Variants in TNFSF4 observed in about 807,000 individuals in gnomAD.
TNFSF4 encodes TNF superfamily member 4.
Under a neutral mutation model 7.3 loss-of-function variants are expected in TNFSF4, and 4 were observed. That is an observed-to-expected ratio of 0.55 (90% CI 0.27 to 1.25). The LOEUF is 1.25. Ranked by LOEUF, TNFSF4 falls within the 50% of genes most tolerant of loss-of-function variation. The probability of loss-of-function intolerance (pLI) is 0.12; values close to 1 mark genes in which losing one functional copy is unlikely to be tolerated. For synonymous variants in TNFSF4, 76 were observed against 83.7 expected, an observed-to-expected ratio of 0.91 and a Z score of 0.50; for missense variants, 181 against 208.8, an observed-to-expected ratio of 0.87 and a Z score of 0.82.
the TNFSF4 span, among the ~76,000 whole-genome samples, chr1:173,233,379 A>G: frequency 6.6e-6 from 1 of 152,216 alleles, no homozygotes; most frequent in African/African-American, 2.4e-5. Flanking sequence ...TGACTGGGAG[A>G]ATGGAACCAA....
the TNFSF4 span, among the ~76,000 whole-genome samples, chr1:173,304,995 C>T: frequency 6.6e-6 from 1 of 151,914 alleles, no homozygotes; most frequent in Non-Finnish European, 1.5e-5. Flanking sequence ...CAGATTGATG[C>T]ACTTAAGAGC....
the TNFSF4 span, among the ~76,000 whole-genome samples, chr1:173,227,168 C>T: frequency 6.0e-5 from 9 of 150,186 alleles, no homozygotes; most frequent in African/African-American, 2.2e-4. Context: ...AATATTTTTA[C>T]CCTTCTCTCA....
chr1:173,419,905 CGGGG>C, the TNFSF4 span, among the ~76,000 whole-genome samples: 1 of 150,352 alleles, frequency 6.7e-6, no homozygotes, highest in African/African-American at 2.4e-5. Flanking sequence ...GTTTGTGTGG[CGGGG>C]GGGGGGATGA....
the TNFSF4 span, among the ~76,000 whole-genome samples, chr1:173,257,143 C>G: frequency 5.9e-5 from 9 of 152,234 alleles, no homozygotes; most frequent in Non-Finnish European, 1.3e-4. Flanking sequence ...GAAAGAAACT[C>G]TTTCGTATCT....
At chr1:173,294,151 C>T in the TNFSF4 span, among the ~76,000 whole-genome samples, 1 of 152,020 alleles carries the variant, frequency 6.6e-6, no homozygotes, top group African/African-American at 2.4e-5. Flanking sequence ...GATACATGCA[C>T]TCGTATGTTC....
At chr1:173,360,876 A>G in the TNFSF4 span, among the ~76,000 whole-genome samples, 62 of 152,234 alleles carry the variant, frequency 4.1e-4, no homozygotes, top group Non-Finnish European at 8.1e-4. Flanking sequence ...ACATGCCTAC[A>G]CTATGCATTG....
chr1:173,203,975 A>G (rs1650059519), intron 1 of TNFSF4, among the ~76,000 whole-genome samples: 1 of 152,198 alleles, frequency 6.6e-6, no homozygotes, highest in South Asian at 2.1e-4. Flanking sequence ...ACTGAATTAT[A>G]TACCTTATGT....
At chr1:173,330,339 T>C in the TNFSF4 span, among the ~76,000 whole-genome samples, 2 of 150,920 alleles carry the variant, frequency 1.3e-5, no homozygotes, top group African/African-American at 4.8e-5. Context: ...TTATATATTG[T>C]TATATATGTT....
At chr1:173,296,778 T>C in the TNFSF4 span, among the ~76,000 whole-genome samples, 3 of 151,966 alleles carry the variant, frequency 2.0e-5, no homozygotes, top group African/African-American at 4.8e-5. Flanking sequence ...TCGCCAATCA[T>C]GCTTCCCCTA....
chr1:173,312,105 A>T, the TNFSF4 span, among the ~76,000 whole-genome samples: 1 of 152,046 alleles, frequency 6.6e-6, no homozygotes, highest in African/African-American at 2.4e-5. Flanking sequence ...ATCCATGATG[A>T]TTTTCTTAAG....
chr1:173,344,717 A>G, the TNFSF4 span, among the ~76,000 whole-genome samples: 1 of 152,210 alleles, frequency 6.6e-6, no homozygotes, highest in Non-Finnish European at 1.5e-5. Flanking sequence ...AACACCTCCA[A>G]CTTTAATATC....
the TNFSF4 span, among the ~76,000 whole-genome samples, chr1:173,213,381 T>C: frequency 1.3e-5 from 2 of 152,182 alleles, no homozygotes; most frequent in South Asian, 4.1e-4. Flanking sequence ...AAACAGCTAC[T>C]GAAATTTTTC....
the TNFSF4 span, among the ~76,000 whole-genome samples, chr1:173,403,479 T>C: frequency 6.6e-6 from 1 of 152,248 alleles, no homozygotes; most frequent in Admixed American, 6.5e-5. Context: ...CCATGCTTTA[T>C]GTAAGTGCAG....
the TNFSF4 span, among the ~76,000 whole-genome samples, chr1:173,240,597 T>C: frequency 6.6e-6 from 1 of 152,196 alleles, no homozygotes; most frequent in Non-Finnish European, 1.5e-5. Context: ...TGGCAATCAG[T>C]GGTCATCTAG....
chr1:173,334,801 T>G, the TNFSF4 span, among the ~76,000 whole-genome samples: 62,592 of 151,796 alleles, frequency 0.41, 13,296 homozygotes, highest in Middle Eastern at 0.52. Flanking sequence ...CTGCTGCCTT[T>G]CAAGAAATGC....
the TNFSF4 span, among the ~76,000 whole-genome samples, chr1:173,325,325 A>T: frequency 6.6e-6 from 1 of 152,116 alleles, no homozygotes; most frequent in African/African-American, 2.4e-5. Flanking sequence ...ACGAGAACAA[A>T]GACACAACAT....
At chr1:173,280,887 T>C in the TNFSF4 span, among the ~76,000 whole-genome samples, 1 of 152,152 alleles carries the variant, frequency 6.6e-6, no homozygotes, top group African/African-American at 2.4e-5. Context: ...TCATTGTACA[T>C]GGATTTTATT....
the TNFSF4 span, among the ~76,000 whole-genome samples, chr1:173,229,708 C>T: frequency 2.0e-5 from 3 of 152,060 alleles, no homozygotes; most frequent in Non-Finnish European, 2.9e-5. Flanking sequence ...CAGAGACACA[C>T]ATAGGTTCAA....
chr1:173,268,477 A>G, the TNFSF4 span, among the ~76,000 whole-genome samples: 1 of 152,098 alleles, frequency 6.6e-6, no homozygotes, highest in African/African-American at 2.4e-5. Flanking sequence ...AGGCTAAGGT[A>G]AGTTATGTAT....
Sources: allele counts gnomAD v4.1 joint callset (sites outside exome capture counted in the v4.1 genomes callset), GRCh38; gene constraint gnomAD v4.1.1; transcripts MANE v1.5; gene names NCBI Gene and HGNC (gene_info 2026-07-23, HGNC 2026-07-21).